PRR33: variants seen among roughly 807,000 people sequenced by gnomAD.
PRR33 encodes the protein proline-rich protein 33.
A neutral mutation model predicts 0.5 loss-of-function variants in PRR33; 1 was observed. The ratio of observed to expected loss-of-function variants is 2.18; its 90% confidence interval spans 0.77 to 10.34. The LOEUF is 10.34. Among genes scored for constraint, PRR33 ranks in the 30% most tolerant of loss-of-function variants. The pLI, the probability that PRR33 is intolerant of heterozygous loss-of-function variation, is 0.13. For missense variants in PRR33, 552 were observed against 251.8 expected (o/e 2.19, Z -8.07); for synonymous variants, 226 against 110.0 (o/e 2.06, Z -6.60).
chr11:1,901,500 A>G, the PRR33 span, among the ~76,000 whole-genome samples: 1 of 152,208 alleles, frequency 6.6e-6, no homozygotes. Flanking sequence ...AAGAATTTTC[A>G]TTTGCCAGCT....
chr11:1,896,753 C>G (rs1278907024), upstream of PRR33, among the ~76,000 whole-genome samples: 1 of 152,204 alleles, frequency 6.6e-6, no homozygotes, highest in Non-Finnish European at 1.5e-5. Flanking sequence ...CTTCCGCCAT[C>G]GGTTGTGGGG....
At chr11:1,906,381 T>C in the PRR33 span, among the ~76,000 whole-genome samples, 2 of 152,226 alleles carry the variant, frequency 1.3e-5, no homozygotes, top group Non-Finnish European at 2.9e-5. Flanking sequence ...TTGTTAGCTT[T>C]AACGTCCCAC....
rs869444 is a variant in PRR33, at chr11:1,889,405, C to G, written c.1180G>C (p.Ala394Pro). 9.8e-4 allele frequency: 672 copies of G among 685,074 alleles called. 3 individuals carry two copies. The highest frequency in any genetic ancestry group is 8.7e-4 in the Non-Finnish European group (320 of 368,336). 42.4% of individuals were successfully genotyped at this position (685,074 alleles called of 1,614,324 possible). A position where few individuals can be genotyped will look rare whatever the true frequency, so the allele number is the denominator to read the frequency against. Residue 394 changes from alanine to proline, a missense_variant, in exon 1 of 1, where the codon GCC becomes CCC. Coordinates refer to ENST00000640310, the Ensembl canonical transcript of PRR33. ...TCCCACATCCTGGAGGTCCGGGAGG[C>G]GGGGGCCCGGGGTGCGGTGAGGGCG...
upstream of PRR33, among the ~76,000 whole-genome samples, chr11:1,894,857 G>A (rs1217733526): frequency 6.6e-6 from 1 of 152,182 alleles, no homozygotes; most frequent in Non-Finnish European, 1.5e-5. Context: ...AGATGCCGTG[G>A]GAGGTGTGTG....
the PRR33 span, chr11:1,890,240 C>CG: frequency 3.8e-5 from 27 of 713,222 alleles, no homozygotes; most frequent in Non-Finnish European, 7.0e-5. Flanking sequence ...TGGGGGTGTG[C>CG]GGGGAGCGGG....
chr11:1,892,470 C>G (rs1849039792), upstream of PRR33, among the ~76,000 whole-genome samples: 1 of 152,238 alleles, frequency 6.6e-6, no homozygotes, highest in South Asian at 2.1e-4. Context: ...TGGGTGGGGT[C>G]CGGGCTTCCT....
chr11:1,889,404 G>A (rs1162936174), exon 1 of PRR33: 2 of 690,004 alleles, frequency 2.9e-6, no homozygotes, highest in Non-Finnish European at 5.4e-6. Context: ...GGTCCGGGAG[G>A]CGGGGGCCCG....
chr11:1,911,017 G>GT, the PRR33 span, among the ~76,000 whole-genome samples: 4 of 151,946 alleles, frequency 2.6e-5, no homozygotes, highest in East Asian at 1.9e-4. Flanking sequence ...AAGATGGCTT[G>GT]TTTTTTTTGG....
At chr11:1,915,437 G>A in the PRR33 span, among the ~76,000 whole-genome samples, 1 of 148,672 alleles carries the variant, frequency 6.7e-6, no homozygotes, top group African/African-American at 2.5e-5. Flanking sequence ...CACCTGGGAT[G>A]ATGTTTCTGC....
chr11:1,905,443 T>G, the PRR33 span, among the ~76,000 whole-genome samples: 1 of 144,382 alleles, frequency 6.9e-6, no homozygotes, highest in Non-Finnish European at 1.5e-5. Context: ...CTTTTTTTTT[T>G]TTTTTTTTTT....
the PRR33 span, among the ~76,000 whole-genome samples, chr11:1,905,792 C>T: frequency 1.1e-3 from 162 of 151,658 alleles, no homozygotes; most frequent in African/African-American, 3.7e-3. Flanking sequence ...CAGAGTTGGG[C>T]TTTGCTTTTT....
At chr11:1,889,783 C>A in exon 1 of PRR33, 1 of 648,988 alleles carries the variant, frequency 1.5e-6, no homozygotes, top group Non-Finnish European at 2.8e-6. Flanking sequence ...GCTATGGGCA[C>A]CACAACCCTG....
At chr11:1,915,112 T>C in the PRR33 span, among the ~76,000 whole-genome samples, 2 of 145,230 alleles carry the variant, frequency 1.4e-5, no homozygotes, top group Admixed American at 6.9e-5. Flanking sequence ...GTGTGTTTTG[T>C]GGGGTCACAC....
the PRR33 span, among the ~76,000 whole-genome samples, chr11:1,916,527 G>A: frequency 1.3e-5 from 2 of 151,920 alleles, no homozygotes; most frequent in Non-Finnish European, 2.9e-5. Context: ...CACCTGATCC[G>A]CTTGGGACGG....
At chr11:1,901,813 C>A in the PRR33 span, among the ~76,000 whole-genome samples, 7 of 152,312 alleles carry the variant, frequency 4.6e-5, no homozygotes, top group South Asian at 1.2e-3. Context: ...GATGTCCCTC[C>A]CAGACGTTGC....
chr11:1,899,418 G>A, the PRR33 span, among the ~76,000 whole-genome samples: 2 of 152,284 alleles, frequency 1.3e-5, no homozygotes, highest in South Asian at 2.1e-4. Context: ...ATTGTGAAGC[G>A]TTTGATAGGG....
At chr11:1,909,258 C>G in the PRR33 span, among the ~76,000 whole-genome samples, 1 of 144,256 alleles carries the variant, frequency 6.9e-6, no homozygotes, top group Non-Finnish European at 1.5e-5. Flanking sequence ...CAGCACTTTG[C>G]GAGGCTCGAG....
chr11:1,900,621 AATGGTC>A, the PRR33 span, among the ~76,000 whole-genome samples: 3 of 152,194 alleles, frequency 2.0e-5, no homozygotes, highest in African/African-American at 7.2e-5. Context: ...AATGACGTAA[AATGGTC>A]ATGGTTAAAG....
the PRR33 span, among the ~76,000 whole-genome samples, chr11:1,915,587 G>A: frequency 2.1e-5 from 1 of 47,022 alleles, no homozygotes; most frequent in African/African-American, 9.5e-5. Context: ...TGTTGGGGGG[G>A]ATATTATTTG....
Sources: gnomAD v4.1 joint callset for allele counts (sites outside exome capture counted in the v4.1 genomes callset) on GRCh38, gnomAD v4.1.1 for gene constraint, MANE v1.5 for transcripts, NCBI Gene and HGNC (gene_info 2026-07-23, HGNC 2026-07-21) for gene names.